Variants in EIF3E observed in about 807,000 individuals in gnomAD.
EIF3E encodes the protein eIF-3 p48.
Under a neutral mutation model 59.3 loss-of-function variants are expected in EIF3E, and 25 were observed. That is an observed-to-expected ratio of 0.42 (90% CI 0.31 to 0.59). The LOEUF is 0.59. Among genes scored for constraint, EIF3E ranks in the 20% least tolerant of loss-of-function variants. The pLI, the probability that EIF3E is intolerant of heterozygous loss-of-function variation, is 0.15. For missense variants in EIF3E, 317 were observed against 534.3 expected, an observed-to-expected ratio of 0.59 and a Z score of 4.01; for synonymous variants, 176 against 170.2, an observed-to-expected ratio of 1.03 and a Z score of -0.26.
intron 1 of EIF3E, 147 bp downstream of exon 1, chr8:108,248,466 C>A (rs910412175): frequency 3.5e-5 from 25 of 723,496 alleles, no homozygotes; most frequent in Non-Finnish European, 5.4e-5. Flanking sequence ...CGACGCTAAA[C>A]TACCAGAAGA....
intron 5 of EIF3E, among the ~76,000 whole-genome samples, chr8:108,229,613 G>C (rs1331944088): frequency 6.6e-6 from 1 of 152,106 alleles, no homozygotes; most frequent in Non-Finnish European, 1.5e-5. Flanking sequence ...AATGTAATGA[G>C]AAATTATGTA....
chr8:108,215,239 T>C (rs751302782), intron 9 of EIF3E, among the ~76,000 whole-genome samples: 3 of 152,122 alleles, frequency 2.0e-5, no homozygotes, highest in Non-Finnish European at 2.9e-5. Context: ...CGCCAATATT[T>C]ACCTTAATAA....
intron 7 of EIF3E, among the ~76,000 whole-genome samples, chr8:108,222,837 T>G (rs1340484510): frequency 6.6e-6 from 1 of 151,408 alleles, no homozygotes; most frequent in African/African-American, 2.4e-5. Flanking sequence ...AGTTTTTTTT[T>G]TTTTTTTTTT....
At chr8:108,242,553 C>T (rs1428642117) in intron 1 of EIF3E, 1 of 1,163,416 alleles carries the variant, frequency 8.6e-7, no homozygotes, top group African/African-American at 1.6e-5. Flanking sequence ...GATTTCTGTA[C>T]TGAACTTAAT....
At chr8:108,219,960 C>T (rs1411507542) in intron 7 of EIF3E, among the ~76,000 whole-genome samples, 3 of 151,910 alleles carry the variant, frequency 2.0e-5, no homozygotes, top group Admixed American at 6.6e-5. Flanking sequence ...CTGGCCAACA[C>T]GGTGAAACCC....
chr8:108,234,466 C>A (rs1815685938), intron 5 of EIF3E: 1 of 152,158 alleles, frequency 6.6e-6, no homozygotes, highest in Non-Finnish European at 1.5e-5. Flanking sequence ...CTATACCCCA[C>A]GTAATGAAGA....
At chr8:108,246,969 A>C (rs1410876261) in intron 1 of EIF3E, among the ~76,000 whole-genome samples, 2 of 152,196 alleles carry the variant, frequency 1.3e-5, no homozygotes, top group Non-Finnish European at 2.9e-5. Context: ...CAAAACTTAT[A>C]ACGGATTTTT....
At chr8:108,246,068 T>G (rs35528903) in intron 1 of EIF3E, among the ~76,000 whole-genome samples, 1 of 152,000 alleles carries the variant, frequency 6.6e-6, no homozygotes, top group Non-Finnish European at 1.5e-5. Context: ...AATAACAAAA[T>G]AGAACAATTA....
intron 1 of EIF3E, chr8:108,242,554 T>C: frequency 2.6e-6 from 3 of 1,159,040 alleles, no homozygotes; most frequent in Non-Finnish European, 3.2e-6. Flanking sequence ...ATTTCTGTAC[T>C]GAACTTAATT....
In EIF3E at chr8:108,239,999, C is replaced by G; in HGVS notation, c.282G>C (p.Met94Ile). Residue 94 changes from methionine to isoleucine, a missense_variant, in exon 3 of 13, where the codon ATG becomes ATC. By Grantham distance (10) the Met-to-Ile change is conservative. Coordinates refer to ENST00000220849, the MANE Select transcript of EIF3E (RefSeq NM_001568.3). ...LQAETEPIVK[M>I]FEDPETTRQM... The stretch of plus-strand genomic sequence containing the variant: ...GCCTTGTAGTTTCTGGATCTTCAAA[C>G]ATCTTCACAATTGGTTCTGTTTCTG... 1 of 1,614,062 alleles carries G rather than the reference C, an allele frequency of 6.2e-7. No homozygotes were observed. Among genetic ancestry groups the G allele is most frequent in the Non-Finnish European group, 8.5e-7 (1 of 1,179,992 alleles).
intron 6 of EIF3E, among the ~76,000 whole-genome samples, chr8:108,228,856 G>GT (rs1339892222): frequency 1.3e-5 from 2 of 151,860 alleles, no homozygotes; most frequent in Admixed American, 6.6e-5. Context: ...TGAAGGCTAC[G>GT]TTTTTTCTCT....
intron 1 of EIF3E, among the ~76,000 whole-genome samples, chr8:108,245,938 A>AC (rs963629710): frequency 3.3e-5 from 5 of 151,574 alleles, no homozygotes; most frequent in African/African-American, 1.2e-4. Context: ...ATGTTCCAAG[A>AC]CCCCCCAGCG....
intron 5 of EIF3E, among the ~76,000 whole-genome samples, chr8:108,234,003 A>C (rs1197811751): frequency 3.3e-5 from 5 of 152,122 alleles, no homozygotes; most frequent in Non-Finnish European, 7.4e-5. Context: ...AGACAGAGTG[A>C]GAACGAAGTA....
rs1815573818 is a variant in EIF3E at position 108,229,069 on chromosome 8, C to T, written c.597+1G>A. 1 of 1,592,118 alleles carries T rather than the reference C, an allele frequency of 6.3e-7. No individual in the cohort carries two copies. The highest frequency in any genetic ancestry group is 8.6e-7 in the Non-Finnish European group (1 of 1,168,580). ...AATAACTGTGAAAAAGTCGAACTCA[C>T]ATTATTATCTATGGTCTCTTTTAAC... On this transcript the variant is annotated splice_donor_variant, in intron 6 of 12. Transcript: ENST00000220849. LOFTEE classifies it high-confidence loss of function.
rs1366753110 is a variant in EIF3E at position 108,225,039 on chromosome 8, T to A, written c.722+3228A>T. 1.3e-5 allele frequency among the ~76,000 whole-genome samples: 2 copies of A among 151,648 alleles called. 1 individual carries two copies. ...AAGTATTCATAAAGTGCTTCTGCTG[T>A]ATACACACTTCACTGTCACGGCTGT... On this transcript the variant is annotated intron_variant, in intron 7 of 12. Coordinates refer to ENST00000220849, the MANE Select transcript of EIF3E (RefSeq NM_001568.3).
intron 10 of EIF3E, among the ~76,000 whole-genome samples, chr8:108,206,613 C>T (rs1162377308): frequency 6.8e-6 from 1 of 147,692 alleles, no homozygotes; most frequent in Non-Finnish European, 1.5e-5. Flanking sequence ...CACACACACA[C>T]ACACTGGCAT....
In EIF3E at chr8:108,229,038, T is replaced by C. The variant is rs776189805; in HGVS notation, c.597+32A>G. 4 of 1,573,354 alleles carry C rather than the reference T, an allele frequency of 2.5e-6. No homozygotes were observed. In the Admixed American group the frequency reaches 5.3e-5, roughly 21 times the overall value. On this transcript the variant is annotated intron_variant, in intron 6 of 12. Coordinates refer to ENST00000220849, the MANE Select transcript of EIF3E (RefSeq NM_001568.3). ...AAAGTGTGAAGGATACACAGATATT[T>C]CAGAGAATAACTGTGAAAAAGTCGA...
intron 1 of EIF3E, among the ~76,000 whole-genome samples, chr8:108,243,857 TTAAA>T (rs1292055807): frequency 6.6e-6 from 1 of 152,088 alleles, no homozygotes; most frequent in Non-Finnish European, 1.5e-5. Context: ...AACACTAATC[TTAAA>T]TAAAAACATT....
At chr8:108,212,074 T>C (rs1815219988) in intron 10 of EIF3E, among the ~76,000 whole-genome samples, 2 of 152,206 alleles carry the variant, frequency 1.3e-5, no homozygotes, top group Non-Finnish European at 2.9e-5. Flanking sequence ...TAGCTTAATG[T>C]CCTTGAGCTT....
Sources: allele counts gnomAD v4.1 joint callset (sites outside exome capture counted in the v4.1 genomes callset), GRCh38; gene constraint gnomAD v4.1.1; transcripts MANE v1.5; gene names NCBI Gene and HGNC (gene_info 2026-07-23, HGNC 2026-07-21).